The following VCL variants were observed in gnomAD, a reference collection of about 807,000 sequenced individuals.
VCL encodes vinculin.
In VCL, 47 loss-of-function variants were observed where a neutral mutation model predicts 125.7. That is an observed-to-expected ratio of 0.37 (90% confidence interval 0.30 to 0.48). The LOEUF (loss-of-function observed/expected upper bound fraction) is 0.48, where lower values mean the gene tolerates loss of function less well. Among genes scored for constraint, VCL ranks in the 20% least tolerant of loss-of-function variants. VCL has a pLI of 0.99. For synonymous variants in VCL, 458 were observed against 514.6 expected (o/e 0.89, Z 1.49); for missense variants, 1,069 against 1,455.5 (o/e 0.73, Z 4.32).
intron 1 of VCL, among the ~76,000 whole-genome samples, chr10:74,037,181 ACTTACG>A (rs1043598652): frequency 2.6e-5 from 4 of 152,000 alleles, no homozygotes; most frequent in Non-Finnish European, 5.9e-5. Context: ...TGATCTACCC[ACTTACG>A]CCTGGGATTA....
At chr10:74,091,791 CA>C (rs545539526) in intron 10 of VCL, among the ~76,000 whole-genome samples, 927 of 60,864 alleles carry the variant, frequency 0.015, no homozygotes, top group Non-Finnish European at 0.024. Flanking sequence ...TCTGTCTCAG[CA>C]AAAAAAAAAA....
intron 1 of VCL, among the ~76,000 whole-genome samples, chr10:74,029,794 T>C (rs1022532590): frequency 5.9e-5 from 9 of 152,214 alleles, no homozygotes; most frequent in African/African-American, 2.2e-4. Flanking sequence ...AGAATATTGT[T>C]GATGCATTTT....
At chr10:74,092,138 G>A (rs1193746228) in intron 10 of VCL, among the ~76,000 whole-genome samples, 1 of 151,974 alleles carries the variant, frequency 6.6e-6, no homozygotes, top group African/African-American at 2.4e-5. Flanking sequence ...TTGATCTCTT[G>A]ACCTCGTGAT....
intron 18 of VCL, 29 bp from the exon 19 acceptor site, chr10:74,111,880 A>G: frequency 6.2e-7 from 1 of 1,613,534 alleles, no homozygotes; most frequent in Non-Finnish European, 8.5e-7. Flanking sequence ...CACTATCCCT[A>G]TTTCTCATCC....
chr10:74,104,037 C>A, intron 15 of VCL, 109 bp downstream of exon 15: 1 of 1,118,784 alleles, frequency 8.9e-7, no homozygotes, highest in Non-Finnish European at 1.3e-6. Flanking sequence ...AAGGGCCGGT[C>A]ACGTGCTGAG....
At chr10:74,027,865 T>C (rs1840803956) in intron 1 of VCL, 1 of 152,134 alleles carries the variant, frequency 6.6e-6, no homozygotes, top group Non-Finnish European at 1.5e-5. Context: ...GAGCATATGC[T>C]ATGTGCCAGT....
chr10:74,088,298 C>G (rs571677947), intron 8 of VCL, among the ~76,000 whole-genome samples: 21 of 152,254 alleles, frequency 1.4e-4, no homozygotes, highest in African/African-American at 3.6e-4. Context: ...TTTCCATGAA[C>G]TCATATCATT....
intron 1 of VCL, chr10:74,027,522 G>T (rs1323952072): frequency 6.6e-6 from 1 of 151,852 alleles, no homozygotes; most frequent in Non-Finnish European, 1.5e-5. Context: ...TTAGCCAGGT[G>T]TGGTGGCGGG....
chr10:74,100,780 A>G (rs959348047), intron 13 of VCL, among the ~76,000 whole-genome samples, 168 bp from the exon 14 acceptor site: 1 of 152,194 alleles, frequency 6.6e-6, no homozygotes, highest in Admixed American at 6.5e-5. Flanking sequence ...GAGGAGATCC[A>G]TCAAGGCCAG....
intron 1 of VCL, among the ~76,000 whole-genome samples, chr10:74,041,062 T>C (rs1841085811): frequency 6.6e-6 from 1 of 152,184 alleles, no homozygotes; most frequent in African/African-American, 2.4e-5. Context: ...TTGCCCAGGC[T>C]GGTCCCAAAC....
At chr10:74,022,548 GA>G (rs1176535654) in intron 1 of VCL, among the ~76,000 whole-genome samples, 1 of 146,682 alleles carries the variant, frequency 6.8e-6, no homozygotes, top group African/African-American at 2.5e-5. Context: ...TCCGTCTCAA[GA>G]AAAAATAAAA....
intron 6 of VCL, chr10:74,076,322 G>C (rs1466816538): frequency 6.5e-6 from 1 of 152,678 alleles, no homozygotes; most frequent in African/African-American, 2.4e-5. Context: ...AAAAGCTAAA[G>C]GAAAGACATT....
chr10:74,083,355 C>G lies in VCL; in HGVS notation c.875-11C>G, dbSNP rs773625362. On this transcript the variant is annotated splice_polypyrimidine_tract_variant and intron_variant, in intron 7 of 21. Transcript: ENST00000211998. ...TCAACAATGTAGTTATTGAATATCT[C>G]TTTATTTTAGGGGATGCTGGTGAGC... 6.2e-7 allele frequency: 1 copy of G among 1,613,696 alleles called. No individual in the cohort carries two copies. Among genetic ancestry groups the G allele is most frequent in the Non-Finnish European group, 8.5e-7 (1 of 1,179,772 alleles).
chr10:74,001,296 A>G (rs1345808424), intron 1 of VCL, among the ~76,000 whole-genome samples: 1 of 152,220 alleles, frequency 6.6e-6, no homozygotes, highest in Non-Finnish European at 1.5e-5. Context: ...CTGGAGGTCA[A>G]GCCTTGTCTG....
At chr10:74,020,374 T>C (rs2136233071) in intron 1 of VCL, among the ~76,000 whole-genome samples, 1 of 152,246 alleles carries the variant, frequency 6.6e-6, no homozygotes, top group African/African-American at 2.4e-5. Flanking sequence ...CTAAATACAA[T>C]AGCTGGTAGC....
In VCL at chr10:74,118,330, A is replaced by T. The variant is rs1177239524; in HGVS notation, c.*161A>T. 1.2e-6 allele frequency: 1 copy of T among 849,302 alleles called. No homozygotes were observed. The highest frequency in any genetic ancestry group is 1.7e-5 in the African/African-American group (1 of 58,996). The allele number at this position is 849,302 out of a possible 1,614,324, so 52.6% of individuals were successfully genotyped here. ...CCTCTTCAAATTAGAAGACATTTATACTCTTTTTTCATGGACACTTTGAAA... is the reference window on the plus strand; with the variant it reads ...CCTCTTCAAATTAGAAGACATTTATTCTCTTTTTTCATGGACACTTTGAAA... On this transcript the variant is annotated 3_prime_UTR_variant, in exon 22 of 22. Transcript: ENST00000211998.
chr10:74,044,142 G>T (rs1445261856), intron 2 of VCL, among the ~76,000 whole-genome samples: 1 of 151,864 alleles, frequency 6.6e-6, no homozygotes, highest in African/African-American at 2.4e-5. Flanking sequence ...CATATTTTCA[G>T]TTACATTTTA....
At chr10:74,093,207 G>T (rs1388595015) in intron 10 of VCL, among the ~76,000 whole-genome samples, 1 of 152,092 alleles carries the variant, frequency 6.6e-6, no homozygotes, top group East Asian at 1.9e-4. Flanking sequence ...TGAGACAAGA[G>T]AATGGCTTGA....
At chr10:74,010,199 A>G (rs1163246896) in intron 1 of VCL, among the ~76,000 whole-genome samples, 1 of 152,232 alleles carries the variant, frequency 6.6e-6, no homozygotes, top group Non-Finnish European at 1.5e-5. Flanking sequence ...TGTTGGGATT[A>G]CAGGCTGTGA....
Sources: gnomAD v4.1 joint callset for allele counts (sites outside exome capture counted in the v4.1 genomes callset) on GRCh38, gnomAD v4.1.1 for gene constraint, MANE v1.5 for transcripts, NCBI Gene and HGNC (gene_info 2026-07-23, HGNC 2026-07-21) for gene names.